The following NIPBL variants were observed in gnomAD, a reference collection of about 807,000 sequenced individuals.
NIPBL encodes the protein nipped-B-like protein.
NIPBL carries 19 observed loss-of-function variants against 321.8 expected under a neutral mutation model. The observed-to-expected ratio is 0.06, with a 90% CI of 0.04 to 0.09. NIPBL has a LOEUF of 0.09. NIPBL is among the 10% of genes least tolerant of loss of function. The pLI, the probability that NIPBL is intolerant of heterozygous loss-of-function variation, is 1.00. For missense variants in NIPBL, 2,210 were observed against 3,327.0 expected, an observed-to-expected ratio of 0.66 and a Z score of 8.26; for synonymous variants, 1,106 against 1,114.1, an observed-to-expected ratio of 0.99 and a Z score of 0.14.
At chr5:37,027,463 T>C (rs1193613664) in intron 32 of NIPBL, 51 bp downstream of exon 32, 2 of 1,406,402 alleles carry the variant, frequency 1.4e-6, no homozygotes. Flanking sequence ...GGTTAGTTTT[T>C]TGTTGTTGGT....
intron 1 of NIPBL, among the ~76,000 whole-genome samples, chr5:36,925,876 A>G (rs1749324185): frequency 6.6e-6 from 1 of 152,170 alleles, no homozygotes; most frequent in Admixed American, 6.5e-5. Context: ...GACCAAGAAC[A>G]TAATATTCTA....
At chr5:36,919,018 A>G (rs923363546) in intron 1 of NIPBL, among the ~76,000 whole-genome samples, 10 of 152,140 alleles carry the variant, frequency 6.6e-5, no homozygotes, top group Non-Finnish European at 2.9e-5. Flanking sequence ...AGGCTTTGGT[A>G]TCAGGATGAT....
At chr5:36,950,028 T>G (rs1371220039) in intron 1 of NIPBL, among the ~76,000 whole-genome samples, 1 of 152,016 alleles carries the variant, frequency 6.6e-6, no homozygotes, top group Non-Finnish European at 1.5e-5. Flanking sequence ...TATAAATGAT[T>G]TCTCAATGTA....
intron 34 of NIPBL, among the ~76,000 whole-genome samples, chr5:37,042,635 C>CA (rs1752532322): frequency 6.6e-6 from 1 of 151,840 alleles, no homozygotes; most frequent in African/African-American, 2.4e-5. Flanking sequence ...ACTAAAAATA[C>CA]AAAAATTAGC....
intron 37 of NIPBL, among the ~76,000 whole-genome samples, 158 bp from the exon 38 acceptor site, chr5:37,045,951 T>G (rs1384281146): frequency 6.6e-6 from 1 of 152,218 alleles, no homozygotes; most frequent in Non-Finnish European, 1.5e-5. Flanking sequence ...GACTGATACT[T>G]TGAATGCCAC....
intron 1 of NIPBL, among the ~76,000 whole-genome samples, chr5:36,917,988 G>A (rs1207111774): frequency 6.6e-6 from 1 of 152,172 alleles, no homozygotes; most frequent in Non-Finnish European, 1.5e-5. Context: ...TTTGGCTTAG[G>A]ATTGTCTTGG....
chr5:37,033,703 C>CACACAT (rs1349795625), intron 32 of NIPBL, among the ~76,000 whole-genome samples: 3 of 59,304 alleles, frequency 5.1e-5, no homozygotes, highest in African/African-American at 2.2e-4. Flanking sequence ...CACACACACA[C>CACACAT]ACATATATAT....
intron 1 of NIPBL, among the ~76,000 whole-genome samples, chr5:36,891,727 G>A (rs892242874): frequency 2.0e-5 from 3 of 152,162 alleles, no homozygotes; most frequent in Admixed American, 6.5e-5. Context: ...TTTAGTAATG[G>A]AGTATGTTTT....
At chr5:36,983,005 G>C (rs890714159) in intron 9 of NIPBL, among the ~76,000 whole-genome samples, 2 of 151,918 alleles carry the variant, frequency 1.3e-5, no homozygotes, top group Non-Finnish European at 2.9e-5. Context: ...AATTGATAAA[G>C]CATCTTATTC....
rs556446873 is a variant in NIPBL at position 36,986,610 on chromosome 5, G to A, written c.3121+309G>A. 7.2e-5 allele frequency among the ~76,000 whole-genome samples: 11 copies of A among 152,164 alleles called. No individual in the cohort carries two copies. The East Asian group carries it at 1.9e-3, about 27-fold the overall frequency. On this transcript the variant is annotated intron_variant, in intron 10 of 46. Transcript: ENST00000282516. ...TTATATTTCTGAAATATGCTTAAGT[G>A]AATGTTGTATTAAAATAGCTGTCTT...
rs1748556260 is a variant in NIPBL at position 36,917,452 on chromosome 5, G to T, written c.-79-36166G>T. 3.3e-5 allele frequency among the ~76,000 whole-genome samples: 5 copies of T among 152,250 alleles called. No individual in the cohort carries two copies. In the South Asian group the frequency reaches 1.0e-3, roughly 32 times the overall value. ...ATTCTGTAGGTTGCCTCTTCACTCT[G>T]ATGGTAGTTTCTTTTGCTGTGCAGA... On this transcript the variant is annotated intron_variant, in intron 1 of 46. Coordinates refer to ENST00000282516, the MANE Select transcript of NIPBL (RefSeq NM_133433.4).
intron 29 of NIPBL, among the ~76,000 whole-genome samples, 195 bp from the exon 30 acceptor site, chr5:37,024,390 C>T (rs916447510): frequency 1.3e-5 from 2 of 151,430 alleles, no homozygotes; most frequent in Non-Finnish European, 3.0e-5. Context: ...TCTTAGATAT[C>T]ATACTTTAAA....
chr5:36,962,412 T>C (rs552530946), intron 6 of NIPBL, 138 bp downstream of exon 6: 13 of 920,368 alleles, frequency 1.4e-5, no homozygotes, highest in African/African-American at 9.9e-5. Flanking sequence ...TTTAAAGATA[T>C]GGCTTAAATC....
At chr5:37,014,862 G>A (rs1342850883) in intron 22 of NIPBL, 97 bp downstream of exon 22, 1 of 774,192 alleles carries the variant, frequency 1.3e-6, no homozygotes. Flanking sequence ...GCCATAATCT[G>A]AACCTTGAAT....
At chr5:36,989,471 T>G (rs1745224101) in intron 10 of NIPBL, among the ~76,000 whole-genome samples, 1 of 152,178 alleles carries the variant, frequency 6.6e-6, no homozygotes, top group African/African-American at 2.4e-5. Flanking sequence ...TCAATCAGTA[T>G]GTTACATGCC....
intron 29 of NIPBL, among the ~76,000 whole-genome samples, chr5:37,024,168 A>G (rs1007561862): frequency 2.8e-5 from 3 of 109,020 alleles, no homozygotes; most frequent in Non-Finnish European, 4.2e-5. Context: ...CTCCATCCCA[A>G]AAAAAAAAAA....
At chr5:37,015,120 GA>G (rs1748783664) in intron 22 of NIPBL, among the ~76,000 whole-genome samples, 1 of 151,356 alleles carries the variant, frequency 6.6e-6, no homozygotes, top group African/African-American at 2.4e-5. Context: ...GCCTCCATAT[GA>G]ATTTTTTTTT....
chr5:37,029,739 T>G (rs1561183717), intron 32 of NIPBL, among the ~76,000 whole-genome samples: 1 of 152,242 alleles, frequency 6.6e-6, no homozygotes, highest in Non-Finnish European at 1.5e-5. Flanking sequence ...TTTTAAAACT[T>G]TAGCCATTTT....
In NIPBL at chr5:37,029,687, C is replaced by T. The variant is rs74916478; in HGVS notation, c.5862+2275C>T. Among the ~76,000 whole-genome samples the T allele has an allele frequency of 1.7e-3, 260 of 152,216 alleles. 3 individuals carry two copies. The highest frequency in any genetic ancestry group is 5.7e-3 in the African/African-American group (235 of 41,532). On this transcript the variant is annotated intron_variant, in intron 32 of 46. Transcript: ENST00000282516. Reference sequence around the variant, plus strand: ...TTCCACCATCAGTGTATGAAAGTTCCGGTTGCTCCACATCCTCACCAGTTC... The same window carrying T: ...TTCCACCATCAGTGTATGAAAGTTCTGGTTGCTCCACATCCTCACCAGTTC...
Sources: gnomAD v4.1 joint callset for allele counts (sites outside exome capture counted in the v4.1 genomes callset) on GRCh38, gnomAD v4.1.1 for gene constraint, MANE v1.5 for transcripts, NCBI Gene and HGNC (gene_info 2026-07-23, HGNC 2026-07-21) for gene names.